Variants in AKR1B1 observed in about 807,000 individuals in gnomAD.
AKR1B1 encodes the protein aldo-keto reductase family 1 member B.
A neutral mutation model predicts 40.4 loss-of-function variants in AKR1B1; 22 were observed. The observed-to-expected ratio is 0.54, with a 90% confidence interval of 0.39 to 0.78. The LOEUF (loss-of-function observed/expected upper bound fraction) is 0.78, where lower values mean the gene tolerates loss of function less well. Ranked by LOEUF, AKR1B1 falls within the 30% of genes least tolerant of loss-of-function variation. AKR1B1 has a pLI of 0.00. For synonymous variants in AKR1B1, 157 were observed against 149.9 expected (o/e 1.05, Z -0.35); for missense variants, 357 against 396.7 (o/e 0.90, Z 0.85).
At position 134,450,082 on chromosome 7, in the gene AKR1B1, C is replaced by T. The variant is rs542286905; in HGVS notation, c.352-285G>A. Among the ~76,000 whole-genome samples, 6 of 152,366 alleles carry T rather than the reference C, an allele frequency of 3.9e-5. No individual in the cohort carries two copies. The South Asian group carries it at 1.0e-3, about 26-fold the overall frequency. Reference sequence around the variant, plus strand: ...AGGAAGGACTCAAGACCAGGACTCACAGGGCCCAAGGCCTGGCGGGTCACT... The same window carrying T: ...AGGAAGGACTCAAGACCAGGACTCATAGGGCCCAAGGCCTGGCGGGTCACT... On this transcript the variant is annotated intron_variant, in intron 3 of 9. Transcript: ENST00000285930.
intron 6 of AKR1B1, 132 bp from the exon 7 acceptor site, chr7:134,448,193 C>T (rs1372985106): frequency 1.1e-6 from 1 of 925,998 alleles, no homozygotes; most frequent in Non-Finnish European, 1.7e-6. Context: ...GGGTTAAGAA[C>T]CCCCAACCCT....
chr7:134,450,032 G>A (rs184082084), intron 3 of AKR1B1, among the ~76,000 whole-genome samples: 25 of 152,292 alleles, frequency 1.6e-4, no homozygotes, highest in African/African-American at 5.5e-4. Flanking sequence ...GACTAGCCCC[G>A]CCACTGACTG....
At chr7:134,451,510 T>C (rs549686555) in intron 2 of AKR1B1, 76 bp downstream of exon 2, 154 of 1,548,738 alleles carry the variant, frequency 9.9e-5, no homozygotes, top group Admixed American at 1.3e-4. Context: ...GTATTGAGTG[T>C]GGACTTGGCT....
intron 4 of AKR1B1, 118 bp from the exon 5 acceptor site, chr7:134,449,237 C>T: frequency 2.8e-6 from 4 of 1,416,408 alleles, no homozygotes; most frequent in Non-Finnish European, 3.0e-6. Flanking sequence ...GTGAATTAGA[C>T]CTTTCAGAAG....
intron 7 of AKR1B1, 93 bp from the exon 8 acceptor site, chr7:134,447,474 T>G: frequency 4.5e-6 from 5 of 1,103,092 alleles, no homozygotes; most frequent in Non-Finnish European, 6.9e-6. Context: ...CAGAAGGACG[T>G]GCTAGAACTC....
In AKR1B1 at chr7:134,454,402, T is replaced by C. The variant is rs147653487; in HGVS notation, c.67-2649A>G. 6.8e-3 allele frequency among the ~76,000 whole-genome samples: 1,030 copies of C among 152,286 alleles called. 13 individuals carry two copies. The highest frequency in any genetic ancestry group is 0.019 in the African/African-American group (810 of 41,556). On this transcript the variant is annotated intron_variant, in intron 1 of 9. Coordinates refer to ENST00000285930, the MANE Select transcript of AKR1B1 (RefSeq NM_001628.4). ...ATACCAACTCTGAGACACTGATAAC[T>C]AAAATCAGTGTCTCCCTCCTACACA...
intron 1 of AKR1B1, among the ~76,000 whole-genome samples, chr7:134,457,454 C>T (rs934599397): frequency 2.6e-5 from 4 of 152,154 alleles, no homozygotes; most frequent in Non-Finnish European, 4.4e-5. Context: ...TCAATTACAA[C>T]CTTAGAGACA....
intron 3 of AKR1B1, among the ~76,000 whole-genome samples, 184 bp downstream of exon 3, chr7:134,450,602 G>A (rs149233989): frequency 3.9e-5 from 6 of 152,336 alleles, no homozygotes; most frequent in African/African-American, 1.2e-4. Context: ...AATGGCCTGC[G>A]TGGGGCCCGA....
intron 3 of AKR1B1, 142 bp downstream of exon 3, chr7:134,450,644 G>T: frequency 1.3e-6 from 1 of 755,752 alleles, no homozygotes; most frequent in Non-Finnish European, 2.4e-6. Context: ...CCCAGGTGAT[G>T]CCAGTGCTGA....
At position 134,451,646 on chromosome 7, in the gene AKR1B1, G is replaced by C; in HGVS notation, c.174C>G (p.Ala58=). 1 of 1,614,120 alleles carries C rather than the reference G, an allele frequency of 6.2e-7. No individual in the cohort carries two copies. The highest frequency in any genetic ancestry group is 8.5e-7 in the Non-Finnish European group (1 of 1,180,030). ...CCTGCTCCCTGAGCTTCTCCTGAAT[G>C]GCCACCCCCACCTCATTCTCATTCT... ...VYQNENEVGV[A]IQEKLREQVV... is the part of the protein sequence containing the mutation. The change falls in exon 2 of 10, where the codon GCC becomes GCG. Residue 58 remains alanine (A), a synonymous_variant. Coordinates refer to ENST00000285930, the MANE Select transcript of AKR1B1 (RefSeq NM_001628.4).
In AKR1B1 at chr7:134,442,482, A is replaced by AAAAG. The variant is rs1300376714; in HGVS notation, c.*242_*245dup. ...GTAGATTTTGCTTCTCTTTGGTCAG[A>AAAAG]AAAGGGTATTCAGGTTGTACTTTCC... On this transcript the variant is annotated 3_prime_UTR_variant, in exon 10 of 10. Coordinates refer to ENST00000285930, the MANE Select transcript of AKR1B1 (RefSeq NM_001628.4). The AAAAG allele has an allele frequency of 2.2e-6, 1 of 457,426 alleles. No homozygotes were observed. Among genetic ancestry groups the AAAAG allele is most frequent in the African/African-American group, 2.0e-5 (1 of 51,102 alleles). The allele number at this position is 457,426 out of a possible 1,614,324, so 28.3% of individuals were successfully genotyped here.
chr7:134,457,801 G>T (rs1806517212), intron 1 of AKR1B1, among the ~76,000 whole-genome samples: 1 of 152,138 alleles, frequency 6.6e-6, no homozygotes, highest in Non-Finnish European at 1.5e-5. Flanking sequence ...AGGAATTGGA[G>T]ATCACCCTAA....
upstream of AKR1B1, chr7:134,459,112 C>T (rs757270593): frequency 2.6e-6 from 4 of 1,567,584 alleles, no homozygotes; most frequent in Non-Finnish European, 3.5e-6. Flanking sequence ...GCCTTGGCCG[C>T]GGCGCGTACC....
chr7:134,449,325 G>C (rs1708434), intron 4 of AKR1B1: 1 of 670,734 alleles, frequency 1.5e-6, no homozygotes, highest in Non-Finnish European at 2.6e-6. Flanking sequence ...GGTGGCTCAC[G>C]CCTGTAATCC....
In AKR1B1 at chr7:134,451,678, C is replaced by T; in HGVS notation, c.142G>A (p.Val48Met). 6.2e-7 allele frequency: 1 copy of T among 1,614,182 alleles called. No homozygotes were observed. The highest frequency in any genetic ancestry group is 8.5e-7 in the Non-Finnish European group (1 of 1,180,030). ...VGYRHIDCAH[V>M]YQNENEVGVA... ...CCCACCTCATTCTCATTCTGGTACA[C>T]ATGGGCACAGTCGATGTGGCGGTAC... The change falls in exon 2 of 10, where the codon GTG (valine) becomes ATG (methionine). Residue 48 changes from valine (V) to methionine (M), a missense_variant. Transcript: ENST00000285930.
intron 7 of AKR1B1, chr7:134,447,631 T>C: frequency 1.6e-6 from 1 of 625,986 alleles, no homozygotes; most frequent in Admixed American, 2.4e-5. Flanking sequence ...TGAGACCACA[T>C]GAGGCCCTCC....
chr7:134,451,535 C>T, intron 2 of AKR1B1, 51 bp downstream of exon 2: 1 of 1,609,104 alleles, frequency 6.2e-7, no homozygotes, highest in Non-Finnish European at 8.5e-7. Flanking sequence ...GCTGATGCAC[C>T]AACAGATGAT....
At chr7:134,449,183 G>C in intron 4 of AKR1B1, 64 bp from the exon 5 acceptor site, 1 of 1,604,752 alleles carries the variant, frequency 6.2e-7, no homozygotes, top group Non-Finnish European at 8.5e-7. Flanking sequence ...CAGAAGTGTC[G>C]TTTGCACCAG....
At chr7:134,452,434 G>A (rs1806316558) in intron 1 of AKR1B1, among the ~76,000 whole-genome samples, 3 of 152,176 alleles carry the variant, frequency 2.0e-5, no homozygotes, top group Non-Finnish European at 4.4e-5. Context: ...GGGGGAATGT[G>A]GATCATGGAA....
Sources: gnomAD v4.1 joint callset for allele counts (sites outside exome capture counted in the v4.1 genomes callset) on GRCh38, gnomAD v4.1.1 for gene constraint, MANE v1.5 for transcripts, NCBI Gene and HGNC (gene_info 2026-07-23, HGNC 2026-07-21) for gene names.